Variants in PDCD11 observed in about 807,000 individuals in gnomAD.
The protein encoded by PDCD11 is protein RRP5 homolog.
Under a neutral mutation model 198.9 loss-of-function variants are expected in PDCD11, and 97 were observed. That is an observed-to-expected ratio of 0.49 (90% CI 0.41 to 0.58). The LOEUF (loss-of-function observed/expected upper bound fraction) is 0.58, where lower values mean the gene tolerates loss of function less well. Ranked by LOEUF, PDCD11 falls within the 20% of genes least tolerant of loss-of-function variation. The pLI, the probability that PDCD11 is intolerant of heterozygous loss-of-function variation, is 0.00. For missense variants in PDCD11, 2,102 were observed against 2,312.7 expected (o/e 0.91, Z 1.87); for synonymous variants, 893 against 918.0 (o/e 0.97, Z 0.49).
chr10:103,425,146 G>T lies in PDCD11; in HGVS notation c.2926G>T (p.Val976Phe). ...AGAGAAATTGCAGGTGGGACAGGGT[G>T]TCTCCCTAACCCTCAAGACCACAGA... ...DSEKLQVGQG[V>F]SLTLKTTEPG... is the part of the protein sequence containing the mutation. The change falls in exon 20 of 36, where the codon GTC becomes TTC. Residue 976 changes from valine (V) to phenylalanine (F), a missense_variant. Physicochemically the swap from Val to Phe is conservative, Grantham distance 50. Transcript: ENST00000369797. 6.2e-7 allele frequency: 1 copy of T among 1,614,180 alleles called. No homozygotes were observed. Among genetic ancestry groups the T allele is most frequent in the Non-Finnish European group, 8.5e-7 (1 of 1,180,034 alleles).
rs2031530342 is a variant in PDCD11, at chr10:103,423,085, TG to T, written c.2600del (p.Gly867ValfsTer8). 2.5e-6 allele frequency: 4 copies of T among 1,605,850 alleles called. No individual in the cohort carries two copies. Among genetic ancestry groups the T allele is most frequent in the Non-Finnish European group, 3.4e-6 (4 of 1,175,764 alleles). The stretch of plus-strand genomic sequence containing the variant: ...TGGAAGATGGCTCTGTGGTATTCAG[TG>T]GGGGTCCAGTGCCCGACCTGGTCCT... ...VLEDGSVVFS[G>X]GPVPDLVLKA... On this transcript the variant is annotated frameshift_variant, in exon 18 of 36. Coordinates refer to ENST00000369797, the MANE Select transcript of PDCD11 (RefSeq NM_014976.2). LOFTEE classifies it high-confidence loss of function.
intron 32 of PDCD11, 85 bp from the exon 33 acceptor site, chr10:103,443,080 G>T: frequency 8.2e-7 from 1 of 1,212,284 alleles, no homozygotes; most frequent in Non-Finnish European, 1.2e-6. Flanking sequence ...GCTGGGAGGG[G>T]GAGGTGGTTC....
chr10:103,440,670 A>T, intron 29 of PDCD11, 64 bp from the exon 30 acceptor site: 1 of 1,613,148 alleles, frequency 6.2e-7, no homozygotes, highest in Non-Finnish European at 8.5e-7. Flanking sequence ...AGTGGGGCCG[A>T]GGGAGGGTGT....
intron 21 of PDCD11, among the ~76,000 whole-genome samples, chr10:103,427,643 A>G (rs375293748): frequency 6.6e-5 from 10 of 152,200 alleles, no homozygotes; most frequent in African/African-American, 2.4e-4. Context: ...GTTTGTCAGC[A>G]TGTCACAAAA....
At chr10:103,398,055 G>A (rs2093446554) in intron 1 of PDCD11, among the ~76,000 whole-genome samples, 1 of 152,104 alleles carries the variant, frequency 6.6e-6, no homozygotes, top group African/African-American at 2.4e-5. Context: ...TAAGTTACTT[G>A]CATAATTGTT....
chr10:103,398,669 A>G (rs2093449582), intron 2 of PDCD11, 141 bp downstream of exon 2: 1 of 647,236 alleles, frequency 1.5e-6, no homozygotes, highest in African/African-American at 1.8e-5. Context: ...TAACTCATTT[A>G]GAGAGGCCAT....
At chr10:103,414,229 T>C in intron 10 of PDCD11, 41 bp from the exon 11 acceptor site, 1 of 1,595,950 alleles carries the variant, frequency 6.3e-7, no homozygotes, top group Non-Finnish European at 8.6e-7. Context: ...AGGCAACCTC[T>C]GCCCTAGTTT....
chr10:103,402,317 C>T (rs1259451859), intron 3 of PDCD11, among the ~76,000 whole-genome samples: 1 of 152,212 alleles, frequency 6.6e-6, no homozygotes, highest in Non-Finnish European at 1.5e-5. Flanking sequence ...GCTGTTAACA[C>T]TGTTGTATAA....
chr10:103,413,087 C>T, intron 8 of PDCD11, 29 bp from the exon 9 acceptor site: 2 of 1,596,250 alleles, frequency 1.3e-6, no homozygotes, highest in Non-Finnish European at 1.7e-6. Context: ...GTGCCTCCTC[C>T]TGCTCACCCT....
chr10:103,427,643 A>C (rs375293748), intron 21 of PDCD11, among the ~76,000 whole-genome samples: 1 of 152,200 alleles, frequency 6.6e-6, no homozygotes. Flanking sequence ...GTTTGTCAGC[A>C]TGTCACAAAA....
rs539865939 is a variant in PDCD11 at position 103,410,133 on chromosome 10, G to C, written c.978+327G>C. 9.2e-5 allele frequency among the ~76,000 whole-genome samples: 14 copies of C among 152,264 alleles called. No individual in the cohort carries two copies. In the South Asian group the frequency reaches 2.9e-3, roughly 32 times the overall value. On this transcript the variant is annotated intron_variant, in intron 8 of 35. Transcript: ENST00000369797. ...GCCTGTAGTCCCAGCTACTCAGGAAGGTGAGGCAGGAGAATCGCTTGAACC... is the reference window on the plus strand; with the variant it reads ...GCCTGTAGTCCCAGCTACTCAGGAACGTGAGGCAGGAGAATCGCTTGAACC...
In PDCD11 at chr10:103,413,168, G is replaced by A; in HGVS notation, c.1031G>A (p.Ser344Asn). The change falls in exon 9 of 36, where the codon AGC becomes AAC. Residue 344 changes from serine (S) to asparagine (N), a missense_variant. Transcript: ENST00000369797. ...CCTCGAACCAGAGTTGTGCACCTGA[G>A]CCTGCGCCCCATCTTCCTACAGCCT... Reference protein sequence around the residue: ...VHPRTRVVHLSLRPIFLQPGR... With the variant: ...VHPRTRVVHLNLRPIFLQPGR... 6.2e-7 allele frequency: 1 copy of A among 1,614,158 alleles called. No homozygotes were observed. Among genetic ancestry groups the A allele is most frequent in the Non-Finnish European group, 8.5e-7 (1 of 1,180,026 alleles).
intron 6 of PDCD11, 59 bp from the exon 7 acceptor site, chr10:103,406,550 G>A (rs888274926): frequency 1.1e-5 from 17 of 1,524,308 alleles, no homozygotes; most frequent in South Asian, 4.8e-5. Context: ...TTGGGCCCAC[G>A]TTAAAAGTCC....
rs548853078 is a variant in PDCD11 at position 103,423,413 on chromosome 10, C to T, written c.2648-130C>T. The T allele has an allele frequency of 1.6e-4, 113 of 709,630 alleles. 1 individual carries two copies. In the African/African-American group the frequency reaches 1.9e-3, roughly 12 times the overall value. 44.0% of individuals were successfully genotyped at this position (709,630 alleles called of 1,614,324 possible). ...AGACCCTTGATTTCCCTAATTATGG[C>T]CCGTATGGACCCAGGACATGTGTCC... On this transcript the variant is annotated intron_variant, in intron 18 of 35. Coordinates refer to ENST00000369797, the MANE Select transcript of PDCD11 (RefSeq NM_014976.2).
intron 4 of PDCD11, 122 bp from the exon 5 acceptor site, chr10:103,404,900 C>T (rs2030352704): frequency 3.6e-6 from 3 of 830,622 alleles, no homozygotes; most frequent in Non-Finnish European, 3.7e-6. Flanking sequence ...GGGGTTATTC[C>T]TCACCCACCT....
chr10:103,444,605 C>T lies in PDCD11; in HGVS notation c.5367C>T (p.Ser1789=). ...RAKAIFENTL[S]TYPKRTDVWS... The stretch of plus-strand genomic sequence containing the variant: ...AAGCCATTTTTGAGAACACGCTGAG[C>T]ACCTACCCAAAGCGCACAGATGTCT... Residue 1789 remains serine (S), a synonymous_variant, in exon 35 of 36, where the codon AGC becomes AGT. Transcript: ENST00000369797. 1 of 1,614,154 alleles carries T rather than the reference C, an allele frequency of 6.2e-7. No homozygotes were observed. The highest frequency in any genetic ancestry group is 8.5e-7 in the Non-Finnish European group (1 of 1,179,992).
chr10:103,434,731 G>T, intron 24 of PDCD11, 67 bp from the exon 25 acceptor site: 1 of 1,376,052 alleles, frequency 7.3e-7, no homozygotes, highest in East Asian at 2.4e-5. Flanking sequence ...GCCTGTGTGT[G>T]GCTGGCATTC....
At position 103,439,799 on chromosome 10, in the gene PDCD11, G is replaced by A; in HGVS notation, c.4079G>A (p.Ser1360Asn). 1 of 1,614,148 alleles carries A rather than the reference G, an allele frequency of 6.2e-7. No homozygotes were observed. Among genetic ancestry groups the A allele is most frequent in the Non-Finnish European group, 8.5e-7 (1 of 1,180,022 alleles). The change falls in exon 28 of 36, where the codon AGC becomes AAC. Residue 1360 changes from serine (S) to asparagine (N), a missense_variant. By Grantham distance (46) the Ser-to-Asn change is conservative. Transcript: ENST00000369797. ...CGGTACTCCCATGTCTCCCAGCACAGCCCGTCCAAGAAAGCCCTTTATAAC... is the reference window on the plus strand; with the variant it reads ...CGGTACTCCCATGTCTCCCAGCACAACCCGTCCAAGAAAGCCCTTTATAAC... Reference protein sequence around the residue: ...LARYSHVSQHSPSKKALYNKH... With the variant: ...LARYSHVSQHNPSKKALYNKH...
In PDCD11 at chr10:103,413,317, G is replaced by A; in HGVS notation, c.1180G>A (p.Ala394Thr). The change falls in exon 9 of 36, where the codon GCC becomes ACC. Residue 394 changes from alanine (A) to threonine (T), a missense_variant. Coordinates refer to ENST00000369797, the MANE Select transcript of PDCD11 (RefSeq NM_014976.2). ...FRLKDGVLAY[A>T]RLSHLSDSKN... The stretch of plus-strand genomic sequence containing the variant: ...GCTGAAGGATGGGGTTCTGGCCTAT[G>A]CCCGGGTAAGGAGGCCTCTTTGTTT... 1.2e-6 allele frequency: 2 copies of A among 1,613,764 alleles called. No homozygotes were observed. Among genetic ancestry groups the A allele is most frequent in the Non-Finnish European group, 1.7e-6 (2 of 1,179,648 alleles).
Sources: allele counts gnomAD v4.1 joint callset (sites outside exome capture counted in the v4.1 genomes callset), GRCh38; gene constraint gnomAD v4.1.1; transcripts MANE v1.5; gene names NCBI Gene and HGNC (gene_info 2026-07-23, HGNC 2026-07-21).